CENPI: variants seen among roughly 807,000 people sequenced by gnomAD.
CENPI encodes centromere protein I.
CENPI carries 4 observed loss-of-function variants against 60.4 expected under a neutral mutation model. That is an observed-to-expected ratio of 0.07 (90% CI 0.03 to 0.15). CENPI has a LOEUF of 0.15. CENPI is among the 10% of genes least tolerant of loss of function. The pLI, the probability that CENPI is intolerant of heterozygous loss-of-function variation, is 1.00. For missense variants in CENPI, 444 were observed against 534.5 expected, an observed-to-expected ratio of 0.83 and a Z score of 1.67; for synonymous variants, 157 against 189.4, an observed-to-expected ratio of 0.83 and a Z score of 1.40.
the CENPI span, among the ~76,000 whole-genome samples, chrX:101,178,710 C>T: frequency 4.5e-5 from 5 of 111,627 alleles, no homozygotes; most frequent in Non-Finnish European, 9.4e-5. Flanking sequence ...CACACCCGGC[C>T]GGATCTATGC....
intron 6 of CENPI, among the ~76,000 whole-genome samples, chrX:101,116,373 G>A (rs1034970278): frequency 9.1e-6 from 1 of 109,644 alleles, no homozygotes; most frequent in South Asian, 3.9e-4. Context: ...TTCTTCCAAT[G>A]TGGCCCGGAT....
At chrX:101,151,798 C>T (rs1361125639) in intron 20 of CENPI, among the ~76,000 whole-genome samples, 1 of 100,584 alleles carries the variant, frequency 9.9e-6, no homozygotes, top group Non-Finnish European at 2.0e-5. Context: ...GGCACCACTG[C>T]ACTCCAGCCC....
In CENPI at chrX:101,102,516, C is replaced by CAT. The variant is rs1556386355; in HGVS notation, c.364+117_364+118dup. 586 of 209,122 alleles carry CAT rather than the reference C, an allele frequency of 2.8e-3. 2 individuals carry two copies. Among genetic ancestry groups the CAT allele is most frequent in the Non-Finnish European group, 3.8e-3 (463 of 121,571 alleles). 17.2% of individuals were successfully genotyped at this position (209,122 alleles called of 1,213,427 possible). A position where few individuals can be genotyped will look rare whatever the true frequency, so the allele number is the denominator to read the frequency against. ...ATATATACACACACACACACACACA[C>CAT]ATATATATATATACTTTTTTTTATA... On this transcript the variant is annotated intron_variant, in intron 4 of 21. Transcript: ENST00000682095.
chrX:101,147,167 A>G (rs780411095), intron 18 of CENPI, among the ~76,000 whole-genome samples: 234 of 111,727 alleles, frequency 2.1e-3, no homozygotes, highest in Non-Finnish European at 3.5e-3. Context: ...TTTTTACATT[A>G]GGAAAACATG....
chrX:101,144,995 C>T, intron 16 of CENPI, 69 bp from the exon 17 acceptor site: 1 of 914,649 alleles, frequency 1.1e-6, no homozygotes, highest in Non-Finnish European at 1.5e-6. Flanking sequence ...TTATATTATT[C>T]AGCTTTAGCT....
At chrX:101,161,675 C>T in intron 21 of CENPI, 106 bp downstream of exon 21, 1 of 705,749 alleles carries the variant, frequency 1.4e-6, no homozygotes, top group Non-Finnish European at 2.2e-6. Flanking sequence ...GCTGCCTCCA[C>T]AAAGTCAAAA....
chrX:101,104,841 C>G (rs1378426039), intron 4 of CENPI, among the ~76,000 whole-genome samples: 2 of 103,598 alleles, frequency 1.9e-5, no homozygotes, highest in African/African-American at 7.0e-5. Context: ...AGAGCAAGAC[C>G]CTGTCTCTGG....
At chrX:101,173,011 A>ATTTTTTTTTTTT in the CENPI span, among the ~76,000 whole-genome samples, 1 of 68,692 alleles carries the variant, frequency 1.5e-5, no homozygotes, top group Non-Finnish European at 2.6e-5. Flanking sequence ...AGTTGTAGGA[A>ATTTTTTTTTTTT]TTTTTTTTTT....
Position 101,101,065 on chromosome X carries a change from G to A in CENPI, c.-6G>A, listed in dbSNP as rs1366227332. ...ACACTTGTTTCTGTGTAGAACATAT[G>A]CAGTAATGTCACCTCAAAAGAGAGT... On this transcript the variant is annotated 5_prime_UTR_variant, in exon 3 of 22. An upstream start codon of the reference 5' UTR is lost. Transcript: ENST00000682095. 8.5e-7 allele frequency: 1 copy of A among 1,181,132 alleles called. No individual in the cohort carries two copies. The highest frequency in any genetic ancestry group is 1.2e-6 in the Non-Finnish European group (1 of 867,934).
the CENPI span, among the ~76,000 whole-genome samples, chrX:101,177,965 C>T: frequency 8.9e-6 from 1 of 112,017 alleles, no homozygotes; most frequent in East Asian, 2.8e-4. Context: ...CTGCTTAGGG[C>T]TTGGAGTATG....
chrX:101,173,314 CTTTTTTTTTT>C, the CENPI span, among the ~76,000 whole-genome samples: 3 of 50,506 alleles, frequency 5.9e-5, no homozygotes. Context: ...TGCCTGGCCT[CTTTTTTTTTT>C]TTTTTTTTTT....
At chrX:101,139,234 ACAG>A (rs1431277288) in intron 15 of CENPI, among the ~76,000 whole-genome samples, 1 of 103,934 alleles carries the variant, frequency 9.6e-6, no homozygotes, top group East Asian at 3.0e-4. Context: ...AGCTGGGATT[ACAG>A]GCACGTGCCA....
intron 18 of CENPI, among the ~76,000 whole-genome samples, chrX:101,146,739 G>A (rs2089964785): frequency 9.0e-6 from 1 of 111,299 alleles, no homozygotes; most frequent in Non-Finnish European, 1.9e-5. Flanking sequence ...CAGTCCATAA[G>A]CGTAGACTTT....
chrX:101,155,758 A>G (rs6523455), intron 20 of CENPI, among the ~76,000 whole-genome samples: 6,141 of 111,063 alleles, frequency 0.055, 486 homozygotes, highest in African/African-American at 0.19. Flanking sequence ...GCAACCAAAA[A>G]CTCTTTTTAC....
chrX:101,161,698 C>G (rs964271107), intron 21 of CENPI, 129 bp downstream of exon 21: 32 of 548,651 alleles, frequency 5.8e-5, no homozygotes, highest in African/African-American at 5.8e-4. Flanking sequence ...AAGTGTTTGC[C>G]TTCCAAATTC....
downstream of CENPI, among the ~76,000 whole-genome samples, chrX:101,167,299 G>A (rs1471332595): frequency 1.8e-5 from 2 of 111,693 alleles, no homozygotes; most frequent in Non-Finnish European, 3.8e-5. Context: ...GTATTTAATA[G>A]ACTGACATCC....
the CENPI span, among the ~76,000 whole-genome samples, chrX:101,172,797 C>A: frequency 9.0e-6 from 1 of 110,755 alleles, no homozygotes; most frequent in African/African-American, 3.3e-5. Flanking sequence ...TATTTTAAGT[C>A]CTTTGGAAAT....
At chrX:101,137,746 T>G (rs1382821654) in intron 15 of CENPI, among the ~76,000 whole-genome samples, 1 of 106,861 alleles carries the variant, frequency 9.4e-6, no homozygotes, top group Admixed American at 1.0e-4. Context: ...ATTTGAAGGA[T>G]TGTTACATGA....
In CENPI at chrX:101,112,559, G is replaced by T. The variant is rs772533790; in HGVS notation, c.591+2561G>T. Among the ~76,000 whole-genome samples the T allele has an allele frequency of 7.8e-4, 87 of 112,253 alleles. 1 individual carries two copies. Among genetic ancestry groups the T allele is most frequent in the Non-Finnish European group, 9.2e-4 (49 of 53,311 alleles). The stretch of plus-strand genomic sequence containing the variant: ...CAAAAACTAATATCCACAATTTTCT[G>T]AAAAGGCTTTTAAAATATTCCTACC... On this transcript the variant is annotated intron_variant, in intron 6 of 21. Coordinates refer to ENST00000682095, the MANE Select transcript of CENPI (RefSeq NM_001386188.2).
Sources: allele counts gnomAD v4.1 joint callset (sites outside exome capture counted in the v4.1 genomes callset), GRCh38; gene constraint gnomAD v4.1.1; transcripts MANE v1.5; gene names NCBI Gene and HGNC (gene_info 2026-07-23, HGNC 2026-07-21).